TP63: variants seen among roughly 807,000 people sequenced by gnomAD.
The protein encoded by TP63 is tumor protein 63.
TP63 carries 17 observed loss-of-function variants against 82.8 expected under a neutral mutation model. The ratio of observed to expected loss-of-function variants is 0.21; its 90% confidence interval spans 0.14 to 0.31. The LOEUF (loss-of-function observed/expected upper bound fraction) is 0.31, where lower values mean the gene tolerates loss of function less well. TP63 is among the 10% of genes least tolerant of loss of function. The probability of loss-of-function intolerance (pLI) is 1.00; values close to 1 mark genes in which losing one functional copy is unlikely to be tolerated. For synonymous variants in TP63, 330 were observed against 321.7 expected (o/e 1.03, Z -0.28); for missense variants, 648 against 895.3 (o/e 0.72, Z 3.52).
intron 3 of TP63, among the ~76,000 whole-genome samples, chr3:189,776,450 A>G (rs181492816): frequency 6.6e-6 from 1 of 152,290 alleles, no homozygotes; most frequent in African/African-American, 2.4e-5. Flanking sequence ...TGAAAAAAGG[A>G]TTTAGGAGTG....
intron 1 of TP63, among the ~76,000 whole-genome samples, chr3:189,699,532 T>C (rs1717645001): frequency 6.6e-6 from 1 of 152,196 alleles, no homozygotes; most frequent in African/African-American, 2.4e-5. Flanking sequence ...CATCAGCCCA[T>C]CATCCAGTTG....
intron 4 of TP63, among the ~76,000 whole-genome samples, chr3:189,822,136 T>C (rs10804923): frequency 0.35 from 52,895 of 152,004 alleles, 9,443 homozygotes; most frequent in East Asian, 0.52. Context: ...TAGGTAACGA[T>C]GTTATTGGTA....
At chr3:189,824,717 T>C (rs1433302587) in intron 4 of TP63, among the ~76,000 whole-genome samples, 5 of 152,084 alleles carry the variant, frequency 3.3e-5, no homozygotes, top group African/African-American at 1.2e-4. Flanking sequence ...GATTTTCCTC[T>C]TAAAGCACCA....
chr3:189,808,366 A>G lies in TP63; in HGVS notation c.419A>G (p.Gln140Arg), dbSNP rs778091982. 6.2e-7 allele frequency: 1 copy of G among 1,614,186 alleles called. No individual in the cohort carries two copies. The highest frequency in any genetic ancestry group is 1.1e-5 in the South Asian group (1 of 91,078). ...STSPYNTDHAQNSVTAPSPYA... is the reference protein window; with the variant it reads ...STSPYNTDHARNSVTAPSPYA... ...AGTCCCTATAACACAGACCACGCGC[A>G]GAACAGCGTCACGGCGCCCTCGCCC... Residue 140 changes from glutamine (Q) to arginine (R), a missense_variant, in exon 4 of 14, where the codon CAG becomes CGG. Coordinates refer to ENST00000264731, the MANE Select transcript of TP63 (RefSeq NM_003722.5).
At chr3:189,775,191 G>T (rs1237467550) in intron 3 of TP63, among the ~76,000 whole-genome samples, 6 of 129,430 alleles carry the variant, frequency 4.6e-5, no homozygotes, top group Non-Finnish European at 9.2e-5. Flanking sequence ...CTGCACTCCA[G>T]CCTGGGCAAC....
intron 3 of TP63, among the ~76,000 whole-genome samples, chr3:189,776,944 C>T (rs890167793): frequency 2.6e-5 from 4 of 152,132 alleles, no homozygotes; most frequent in African/African-American, 9.7e-5. Context: ...GAAAGGCTTC[C>T]GTTTGCAATC....
intron 4 of TP63, among the ~76,000 whole-genome samples, chr3:189,839,040 T>TAAAA (rs5855274): frequency 6.2e-4 from 55 of 88,550 alleles, no homozygotes; most frequent in Admixed American, 9.2e-4. Flanking sequence ...TATCCTAAGC[T>TAAAA]AAAAAAAAAA....
chr3:189,757,403 T>C (rs928777566), intron 3 of TP63, among the ~76,000 whole-genome samples: 3 of 152,158 alleles, frequency 2.0e-5, no homozygotes, highest in Non-Finnish European at 2.9e-5. Flanking sequence ...GCCTCAGTTT[T>C]CTCATCTGCA....
chr3:189,639,299 ATG>A (rs1317364623), intron 1 of TP63, among the ~76,000 whole-genome samples: 1 of 152,154 alleles, frequency 6.6e-6, no homozygotes, highest in Non-Finnish European at 1.5e-5. Flanking sequence ...GACATGGGTG[ATG>A]TGTACTTATT....
At chr3:189,786,671 A>AG (rs1233951896) in intron 3 of TP63, among the ~76,000 whole-genome samples, 1 of 151,998 alleles carries the variant, frequency 6.6e-6, no homozygotes, top group Non-Finnish European at 1.5e-5. Flanking sequence ...ATTTTTACCC[A>AG]GGGGGCAGCG....
At chr3:189,815,113 TC>T (rs1189805097) in intron 4 of TP63, among the ~76,000 whole-genome samples, 1 of 152,162 alleles carries the variant, frequency 6.6e-6, no homozygotes, top group African/African-American at 2.4e-5. Context: ...TTCTCTTTTT[TC>T]CTTCATTTAT....
At chr3:189,889,828 A>C (rs1280338964) in intron 12 of TP63, among the ~76,000 whole-genome samples, 1 of 152,226 alleles carries the variant, frequency 6.6e-6, no homozygotes. Flanking sequence ...AAAGGGCAAT[A>C]AACTTGCTAT....
intron 3 of TP63, among the ~76,000 whole-genome samples, chr3:189,774,574 G>A (rs1335990455): frequency 6.6e-6 from 1 of 152,102 alleles, no homozygotes; most frequent in Non-Finnish European, 1.5e-5. Context: ...TCTCAATATA[G>A]TATTGACTAT....
intron 1 of TP63, among the ~76,000 whole-genome samples, chr3:189,671,864 A>T (rs181564713): frequency 6.6e-6 from 1 of 152,240 alleles, no homozygotes; most frequent in African/African-American, 2.4e-5. Context: ...TAGTGAGTAG[A>T]ACTGTGGTTA....
intron 1 of TP63, among the ~76,000 whole-genome samples, chr3:189,689,813 A>C (rs1334409213): frequency 6.6e-6 from 1 of 152,140 alleles, no homozygotes; most frequent in African/African-American, 2.4e-5. Flanking sequence ...CTCTTTGCTA[A>C]AGTAGTGTTT....
At chr3:189,607,158 T>G in the TP63 span, among the ~76,000 whole-genome samples, 1 of 152,184 alleles carries the variant, frequency 6.6e-6, no homozygotes, top group African/African-American at 2.4e-5. Flanking sequence ...GGCTCTGTCA[T>G]TGGGGAATTG....
intron 4 of TP63, among the ~76,000 whole-genome samples, chr3:189,824,221 A>ATTT: frequency 6.6e-6 from 1 of 151,240 alleles, no homozygotes; most frequent in Middle Eastern, 3.4e-3. Context: ...TATTATTATT[A>ATTT]TTATTTTTTT....
chr3:189,875,589 C>CATATATATATATATATATATATATAT (rs779050433), intron 10 of TP63, among the ~76,000 whole-genome samples: 14 of 44,424 alleles, frequency 3.2e-4, no homozygotes, highest in African/African-American at 1.4e-3. Flanking sequence ...AAAAAAAATA[C>CATATATATATATATATATATATATAT]ATACATATAT....
chr3:189,750,169 C>T (rs73055255), intron 3 of TP63, among the ~76,000 whole-genome samples: 2,296 of 150,446 alleles, frequency 0.015, 70 homozygotes, highest in African/African-American at 0.052. Flanking sequence ...TCATTTGCAG[C>T]TACATGGATG....
Sources: allele counts gnomAD v4.1 joint callset (sites outside exome capture counted in the v4.1 genomes callset), GRCh38; gene constraint gnomAD v4.1.1; transcripts MANE v1.5; gene names NCBI Gene and HGNC (gene_info 2026-07-23, HGNC 2026-07-21).